The following TRABD2B variants were observed in gnomAD, a reference collection of about 807,000 sequenced individuals.
TRABD2B encodes the protein metalloprotease TIKI2.
TRABD2B carries 14 observed loss-of-function variants against 40.1 expected under a neutral mutation model. The observed-to-expected ratio is 0.35, with a 90% CI of 0.23 to 0.55. The LOEUF is 0.55. TRABD2B is among the 20% of genes least tolerant of loss of function. The pLI is 0.90. For missense variants in TRABD2B, 541 were observed against 648.6 expected (o/e 0.83, Z 1.80); for synonymous variants, 263 against 277.0 (o/e 0.95, Z 0.50).
At chr1:47,768,383 AGCATGTTGTGCCTC>A (rs1377188276) in intron 6 of TRABD2B, among the ~76,000 whole-genome samples, 1 of 152,144 alleles carries the variant, frequency 6.6e-6, no homozygotes, top group African/African-American at 2.4e-5. Context: ...CACAGAATCA[AGCATGTTGTGCCTC>A]CCACCCCATG....
chr1:47,806,640 T>A (rs985853765), intron 2 of TRABD2B, among the ~76,000 whole-genome samples: 1 of 152,160 alleles, frequency 6.6e-6, no homozygotes, highest in Non-Finnish European at 1.5e-5. Flanking sequence ...TGGCTGGACA[T>A]GAAATGGCTT....
chr1:47,888,265 C>G (rs1022787060), intron 2 of TRABD2B, among the ~76,000 whole-genome samples: 1 of 152,218 alleles, frequency 6.6e-6, no homozygotes, highest in African/African-American at 2.4e-5. Context: ...GTGTTAAAAC[C>G]CTGGAGAGGA....
intron 2 of TRABD2B, among the ~76,000 whole-genome samples, chr1:47,982,957 G>A (rs1409902789): frequency 6.6e-6 from 1 of 152,198 alleles, no homozygotes; most frequent in Non-Finnish European, 1.5e-5. Flanking sequence ...TGCGGGTTCT[G>A]TAGTGGTGGG....
In TRABD2B at chr1:47,995,501, C is replaced by CGT. The variant is rs10577035; in HGVS notation, c.103-906_103-905dup. On this transcript the variant is annotated intron_variant, in intron 1 of 6. Coordinates refer to ENST00000606738, the MANE Select transcript of TRABD2B (RefSeq NM_001194986.2). ...GCTCCGACTTAGGGGAGTGTGTGTG[C>CGT]GTGTGTGTGTGTGTGTGTGCGCGTG... 1.3e-3 allele frequency among the ~76,000 whole-genome samples: 195 copies of CGT among 149,980 alleles called. 1 individual carries two copies. In the Middle Eastern group the frequency reaches 0.014, roughly 11 times the overall value.
intron 2 of TRABD2B, among the ~76,000 whole-genome samples, chr1:47,973,831 C>G (rs182881058): frequency 6.6e-6 from 1 of 152,186 alleles, no homozygotes; most frequent in East Asian, 1.9e-4. Context: ...AGGCCGGGGC[C>G]GGTGACTCAC....
chr1:47,857,569 C>T (rs990125593), intron 2 of TRABD2B, among the ~76,000 whole-genome samples: 9 of 152,112 alleles, frequency 5.9e-5, no homozygotes, highest in Non-Finnish European at 8.8e-5. Context: ...CTGCTGTGCC[C>T]GAGGTCTGTC....
chr1:47,806,855 C>T (rs1644899373), intron 2 of TRABD2B, among the ~76,000 whole-genome samples: 1 of 152,150 alleles, frequency 6.6e-6, no homozygotes, highest in African/African-American at 2.4e-5. Flanking sequence ...GGCAGCAGGA[C>T]CCCCTTAGTC....
rs1472698189 is a variant in TRABD2B at position 47,997,106 on chromosome 1, T to C, written c.-317A>G. On this transcript the variant is annotated 5_prime_UTR_variant, in exon 1 of 7. Coordinates refer to ENST00000606738, the MANE Select transcript of TRABD2B (RefSeq NM_001194986.2). Reference sequence around the variant, plus strand: ...GCGGGGTCCCGGAGCTGCGTCGCGGTCCAGGGGCGCGCGGGGTTCCTGGGG... The same window carrying C: ...GCGGGGTCCCGGAGCTGCGTCGCGGCCCAGGGGCGCGCGGGGTTCCTGGGG... 1 of 981,278 alleles carries C rather than the reference T, an allele frequency of 1.0e-6. No homozygotes were observed. Among genetic ancestry groups the C allele is most frequent in the Non-Finnish European group, 1.2e-6 (1 of 828,284 alleles). 60.8% of individuals were successfully genotyped at this position (981,278 alleles called of 1,614,324 possible).
intron 2 of TRABD2B, among the ~76,000 whole-genome samples, chr1:47,973,601 T>A (rs183411378): frequency 6.6e-6 from 1 of 152,096 alleles, no homozygotes; most frequent in Non-Finnish European, 1.5e-5. Context: ...CCACCCCAGA[T>A]TCTTGAAATC....
intron 2 of TRABD2B, among the ~76,000 whole-genome samples, chr1:47,822,585 G>GA (rs1207620602): frequency 6.2e-5 from 1 of 16,054 alleles, no homozygotes; most frequent in Non-Finnish European, 1.5e-4. Flanking sequence ...TCTGTAAAAT[G>GA]GGATGTCTTT....
At chr1:47,882,143 G>A (rs1271941006) in intron 2 of TRABD2B, among the ~76,000 whole-genome samples, 8 of 152,238 alleles carry the variant, frequency 5.3e-5, no homozygotes, top group South Asian at 2.1e-4. Flanking sequence ...TTCAGCAACC[G>A]AGGAGGCCCT....
At chr1:47,876,535 G>A (rs1167188258) in intron 2 of TRABD2B, among the ~76,000 whole-genome samples, 4 of 152,228 alleles carry the variant, frequency 2.6e-5, no homozygotes, top group Non-Finnish European at 5.9e-5. Context: ...CTTGTGTATG[G>A]TGGTGGGGAG....
intron 2 of TRABD2B, among the ~76,000 whole-genome samples, chr1:47,812,488 G>C (rs911426003): frequency 6.6e-6 from 1 of 152,146 alleles, no homozygotes; most frequent in Admixed American, 6.5e-5. Flanking sequence ...AGCACTTTGC[G>C]GGGCTGAGGC....
intron 2 of TRABD2B, among the ~76,000 whole-genome samples, chr1:47,848,949 A>C (rs1045063381): frequency 6.6e-6 from 1 of 152,204 alleles, no homozygotes; most frequent in Middle Eastern, 3.2e-3. Context: ...AGAGGCCTTC[A>C]TCCCTGTGGG....
At chr1:47,923,236 T>C (rs1644924826) in intron 2 of TRABD2B, among the ~76,000 whole-genome samples, 1 of 152,230 alleles carries the variant, frequency 6.6e-6, no homozygotes, top group Admixed American at 6.5e-5. Flanking sequence ...TCTTACATGC[T>C]CTGTACTCCT....
chr1:47,781,333 G>A (rs927011222), intron 4 of TRABD2B, among the ~76,000 whole-genome samples: 1 of 152,168 alleles, frequency 6.6e-6, no homozygotes, highest in African/African-American at 2.4e-5. Flanking sequence ...GCCCTGCCTC[G>A]GGCTGTACAG....
At position 47,863,735 on chromosome 1, in the gene TRABD2B, C is replaced by G. The variant is rs546371939; in HGVS notation, c.667-62116G>C. 7.2e-5 allele frequency among the ~76,000 whole-genome samples: 11 copies of G among 152,288 alleles called. No individual in the cohort carries two copies. The East Asian group carries it at 1.9e-3, about 27-fold the overall frequency. On this transcript the variant is annotated intron_variant, in intron 2 of 6. Coordinates refer to ENST00000606738, the MANE Select transcript of TRABD2B (RefSeq NM_001194986.2). ...CACTCTTACCATGTGATCCAGCAATCATACTCCTTGGTACTTACCCAAAAA... is the reference window on the plus strand; with the variant it reads ...CACTCTTACCATGTGATCCAGCAATGATACTCCTTGGTACTTACCCAAAAA...
In TRABD2B at chr1:47,997,079, G is replaced by A. The variant is rs1646104708; in HGVS notation, c.-290C>T. On this transcript the variant is annotated 5_prime_UTR_variant, in exon 1 of 7. Transcript: ENST00000606738. Reference sequence around the variant, plus strand: ...TGAGGGCGTGTTGGGGTCCGGGGGCGCGCGGGGTCCCGGAGCTGCGTCGCG... The same window carrying A: ...TGAGGGCGTGTTGGGGTCCGGGGGCACGCGGGGTCCCGGAGCTGCGTCGCG... The A allele has an allele frequency of 1.0e-6, 1 of 984,114 alleles. No individual in the cohort carries two copies. The highest frequency in any genetic ancestry group is 1.8e-5 in the African/African-American group (1 of 57,010). The allele number at this position is 984,114 out of a possible 1,614,324, so 61.0% of individuals were successfully genotyped here. A position where few individuals can be genotyped will look rare whatever the true frequency, so the allele number is the denominator to read the frequency against.
At chr1:47,862,578 T>A (rs1643989751) in intron 2 of TRABD2B, among the ~76,000 whole-genome samples, 1 of 152,182 alleles carries the variant, frequency 6.6e-6, no homozygotes, top group Non-Finnish European at 1.5e-5. Flanking sequence ...AAAACTCTTA[T>A]GAAATATAAG....
Sources: gnomAD v4.1 joint callset for allele counts (sites outside exome capture counted in the v4.1 genomes callset) on GRCh38, gnomAD v4.1.1 for gene constraint, MANE v1.5 for transcripts, NCBI Gene and HGNC (gene_info 2026-07-23, HGNC 2026-07-21) for gene names.